Variants in LRRC4C observed in about 807,000 individuals in gnomAD.
The protein encoded by LRRC4C is leucine-rich repeat-containing protein 4C.
Under a neutral mutation model 33.6 loss-of-function variants are expected in LRRC4C, and 5 were observed. That is an observed-to-expected ratio of 0.15 (90% CI 0.08 to 0.31). The LOEUF (loss-of-function observed/expected upper bound fraction) is 0.31. Among genes scored for constraint, LRRC4C ranks in the 10% least tolerant of loss-of-function variants. The pLI, the probability that LRRC4C is intolerant of heterozygous loss-of-function variation, is 1.00. For missense variants in LRRC4C, 560 were observed against 796.7 expected (o/e 0.70, Z 3.58); for synonymous variants, 329 against 302.0 (o/e 1.09, Z -0.93).
At chr11:41,086,397 TAAAC>T (rs1477525661) in intron 1 of LRRC4C, among the ~76,000 whole-genome samples, 1 of 152,128 alleles carries the variant, frequency 6.6e-6, no homozygotes, top group East Asian at 1.9e-4. Flanking sequence ...ACTTGTGCAA[TAAAC>T]AAACACTTTT....
chr11:41,274,088 G>A (rs1348425838), intron 1 of LRRC4C, among the ~76,000 whole-genome samples: 2 of 152,004 alleles, frequency 1.3e-5, no homozygotes, highest in African/African-American at 2.4e-5. Context: ...AGGCATGCAT[G>A]GCATGTCAGG....
At chr11:40,278,641 G>C (rs1196220950) in intron 4 of LRRC4C, among the ~76,000 whole-genome samples, 1 of 152,134 alleles carries the variant, frequency 6.6e-6, no homozygotes, top group African/African-American at 2.4e-5. Flanking sequence ...TTTGCTGGAA[G>C]AACAAAATTC....
Position 41,385,571 on chromosome 11 carries a change from A to T in LRRC4C, c.-496+73860T>A, listed in dbSNP as rs117395359. Among the ~76,000 whole-genome samples, 1,053 of 151,850 alleles carry T rather than the reference A, an allele frequency of 6.9e-3. 6 individuals are homozygous for T. Among genetic ancestry groups the T allele is most frequent in the Non-Finnish European group, 0.011 (723 of 67,730 alleles). Reference sequence around the variant, plus strand: ...TAATTTGATTATTTAAGACTTAATGATTACTAAAATATATCTATTCATGCT... The same window carrying T: ...TAATTTGATTATTTAAGACTTAATGTTTACTAAAATATATCTATTCATGCT... On this transcript the variant is annotated intron_variant, in intron 1 of 6. Transcript: ENST00000528697.
At chr11:41,047,786 T>C (rs977606122) in intron 1 of LRRC4C, among the ~76,000 whole-genome samples, 3 of 152,134 alleles carry the variant, frequency 2.0e-5, no homozygotes, top group African/African-American at 7.2e-5. Context: ...TGAAGTCTTT[T>C]ATGTTCCAAG....
At chr11:41,273,981 C>G (rs1360415066) in intron 1 of LRRC4C, among the ~76,000 whole-genome samples, 1 of 151,996 alleles carries the variant, frequency 6.6e-6, no homozygotes, top group Non-Finnish European at 1.5e-5. Flanking sequence ...AATGTTTGAA[C>G]AGAGATCTGG....
chr11:40,873,620 A>T (rs1954752303), intron 2 of LRRC4C, among the ~76,000 whole-genome samples: 1 of 152,130 alleles, frequency 6.6e-6, no homozygotes, highest in East Asian at 1.9e-4. Flanking sequence ...CCCAAATTGT[A>T]AATGTCTTCT....
intron 1 of LRRC4C, among the ~76,000 whole-genome samples, chr11:41,077,452 C>A (rs1367700136): frequency 6.6e-6 from 1 of 152,220 alleles, no homozygotes; most frequent in African/African-American, 2.4e-5. Flanking sequence ...AAGCCCAACA[C>A]CACATGGAAG....
intron 3 of LRRC4C, among the ~76,000 whole-genome samples, chr11:40,643,394 A>G (rs2132219): frequency 5.3e-4 from 81 of 152,164 alleles, no homozygotes; most frequent in South Asian, 3.9e-3. Context: ...GGTCCCCCCA[A>G]TTTCCATCAG....
At chr11:40,373,711 C>T (rs1948550958) in intron 3 of LRRC4C, among the ~76,000 whole-genome samples, 2 of 152,058 alleles carry the variant, frequency 1.3e-5, no homozygotes, top group African/African-American at 2.4e-5. Context: ...AGTGAGTTCT[C>T]GCTCAGTTAG....
At chr11:40,167,604 G>T (rs919700485) in intron 5 of LRRC4C, among the ~76,000 whole-genome samples, 2 of 152,162 alleles carry the variant, frequency 1.3e-5, no homozygotes, top group African/African-American at 4.8e-5. Flanking sequence ...ATGACAGAAA[G>T]TTCTCTGGAG....
chr11:40,993,054 C>T (rs532849997), intron 1 of LRRC4C, among the ~76,000 whole-genome samples: 1 of 152,222 alleles, frequency 6.6e-6, no homozygotes, highest in South Asian at 2.1e-4. Flanking sequence ...TACTAGAGAA[C>T]TATGGCAATT....
chr11:41,419,617 T>C (rs1954806797), intron 1 of LRRC4C, among the ~76,000 whole-genome samples: 1 of 151,896 alleles, frequency 6.6e-6, no homozygotes, highest in Admixed American at 6.6e-5. Flanking sequence ...TTAATGACAA[T>C]AATAAAAGCT....
At chr11:41,107,269 T>C (rs937809722) in intron 1 of LRRC4C, among the ~76,000 whole-genome samples, 1 of 152,172 alleles carries the variant, frequency 6.6e-6, no homozygotes, top group African/African-American at 2.4e-5. Flanking sequence ...CACCTTCTAA[T>C]GCAGTTACTT....
At position 40,977,941 on chromosome 11, in the gene LRRC4C, C is replaced by T. The variant is rs186771187; in HGVS notation, c.-495-44218G>A. Among the ~76,000 whole-genome samples the T allele has an allele frequency of 3.3e-3, 498 of 152,240 alleles. 3 individuals are homozygous for T. Among genetic ancestry groups the T allele is most frequent in the African/African-American group, 0.011 (459 of 41,554 alleles). On this transcript the variant is annotated intron_variant, in intron 1 of 6. Coordinates refer to ENST00000528697, the MANE Select transcript of LRRC4C (RefSeq NM_001258419.2). ...CATGTGAAGGCACACAGGAAAAAAA[C>T]GTACAGACATAAAAGGCAAACATTG...
intron 2 of LRRC4C, among the ~76,000 whole-genome samples, chr11:40,927,797 C>G (rs904270641): frequency 6.6e-6 from 1 of 151,722 alleles, no homozygotes; most frequent in East Asian, 1.9e-4. Flanking sequence ...TACTTAAGGG[C>G]ATGCTTTTGA....
At chr11:41,455,736 C>T (rs541276151) in intron 1 of LRRC4C, among the ~76,000 whole-genome samples, 1 of 152,172 alleles carries the variant, frequency 6.6e-6, no homozygotes. Flanking sequence ...TACAATATTT[C>T]ATCATAGCCT....
intron 2 of LRRC4C, among the ~76,000 whole-genome samples, chr11:40,679,502 A>C (rs1944570608): frequency 6.6e-6 from 1 of 152,078 alleles, no homozygotes; most frequent in South Asian, 2.1e-4. Context: ...GGAGCAAAAA[A>C]TTGTTTCATG....
At chr11:40,461,395 C>T (rs1383740495) in intron 3 of LRRC4C, among the ~76,000 whole-genome samples, 2 of 151,960 alleles carry the variant, frequency 1.3e-5, no homozygotes, top group African/African-American at 4.8e-5. Context: ...TGGCCATAGG[C>T]AAGAGTTGTA....
chr11:41,145,416 T>C (rs967371908), intron 1 of LRRC4C, among the ~76,000 whole-genome samples: 2 of 138,980 alleles, frequency 1.4e-5, no homozygotes, highest in African/African-American at 5.2e-5. Context: ...ATTTCAAGAA[T>C]TGGCAAACTA....
Sources: gnomAD v4.1 joint callset for allele counts (sites outside exome capture counted in the v4.1 genomes callset) on GRCh38, gnomAD v4.1.1 for gene constraint, MANE v1.5 for transcripts, NCBI Gene and HGNC (gene_info 2026-07-23, HGNC 2026-07-21) for gene names.